The following TRIM66 variants were observed in gnomAD, a reference collection of about 807,000 sequenced individuals.
The protein encoded by TRIM66 is tripartite motif containing 66, also known as tripartite motif-containing protein 66.
In TRIM66, 99 loss-of-function variants were observed where a neutral mutation model predicts 148.2. The ratio of observed to expected loss-of-function variants is 0.67; its 90% CI spans 0.57 to 0.79. The LOEUF is 0.79. Among genes scored for constraint, TRIM66 ranks in the 30% least tolerant of loss-of-function variants. TRIM66 has a pLI of 0.00. For synonymous variants in TRIM66, 616 were observed against 635.9 expected, an observed-to-expected ratio of 0.97 and a Z score of 0.47; for missense variants, 1,666 against 1,697.9, an observed-to-expected ratio of 0.98 and a Z score of 0.33.
At chr11:8,670,007 G>GTTTTTTTTTTTTTTT (rs752586311) in intron 6 of TRIM66, among the ~76,000 whole-genome samples, 6 of 138,468 alleles carry the variant, frequency 4.3e-5, no homozygotes, top group Admixed American at 1.5e-4. Context: ...GTCTTGTTTT[G>GTTTTTTTTTTTTTTT]TTTTTATTTA....
rs564789303 is a variant in TRIM66, at chr11:8,640,727, G to T, written c.1648C>A (p.Gln550Lys). The stretch of plus-strand genomic sequence containing the variant: ...ATGCACACGGGCTGGGAAGTCAGCT[G>T]CTGCCCCAGCCGCTGGGATGTGCTC... Reference protein sequence around the residue: ...QESTSQRLGQQLTSQPVCIVP... With the variant: ...QESTSQRLGQKLTSQPVCIVP... The change falls in exon 14 of 25, where the codon CAG becomes AAG. Residue 550 changes from glutamine (Q) to lysine (K), a missense_variant. Around this residue, in one of 3 missense-constraint regions of TRIM66, gnomAD observed 1,431 missense variants for 1,412.4 expected, o/e 1.01. Coordinates refer to ENST00000646038, the MANE Select transcript of TRIM66 (RefSeq NM_001388022.1). The T allele has an allele frequency of 1.5e-5, 23 of 1,551,494 alleles. No individual in the cohort carries two copies. In the African/African-American group the frequency reaches 2.1e-4, roughly 14 times the overall value.
intron 10 of TRIM66, among the ~76,000 whole-genome samples, chr11:8,647,477 A>G (rs1187700875): frequency 6.6e-6 from 1 of 152,162 alleles, no homozygotes; most frequent in African/African-American, 2.4e-5. Flanking sequence ...TAATGCATAT[A>G]TGATACCCAA....
chr11:8,633,257 G>A (rs2035580674), intron 15 of TRIM66, among the ~76,000 whole-genome samples: 1 of 152,178 alleles, frequency 6.6e-6, no homozygotes, highest in African/African-American at 2.4e-5. Context: ...GGGAGGCAGA[G>A]GTTGCGGTGA....
At position 8,617,629 on chromosome 11, in the gene TRIM66, A is replaced by G. The variant is rs905994334; in HGVS notation, c.*315T>C. Reference sequence around the variant, plus strand: ...GACGGGTCTGCTTTCCCAGGCAGAAAAAAATTCACCAAGGAAAGTAGGTTT... The same window carrying G: ...GACGGGTCTGCTTTCCCAGGCAGAAGAAAATTCACCAAGGAAAGTAGGTTT... On this transcript the variant is annotated 3_prime_UTR_variant, in exon 25 of 25. Coordinates refer to ENST00000646038, the MANE Select transcript of TRIM66 (RefSeq NM_001388022.1). 2.3e-5 allele frequency: 8 copies of G among 354,198 alleles called. No homozygotes were observed. Among genetic ancestry groups the G allele is most frequent in the Admixed American group, 1.7e-4 (4 of 23,530 alleles). 21.9% of individuals were successfully genotyped at this position (354,198 alleles called of 1,614,324 possible).
At chr11:8,636,025 T>C (rs541162882) in intron 15 of TRIM66, among the ~76,000 whole-genome samples, 2 of 152,308 alleles carry the variant, frequency 1.3e-5, no homozygotes, top group South Asian at 4.1e-4. Flanking sequence ...CTGATCTAAC[T>C]TACCCACTCC....
intron 6 of TRIM66, among the ~76,000 whole-genome samples, chr11:8,657,929 A>G (rs994424792): frequency 3.3e-5 from 5 of 152,252 alleles, no homozygotes; most frequent in African/African-American, 9.6e-5. Flanking sequence ...GATTAGGGCA[A>G]CACTGGGAGA....
chr11:8,636,519 T>G (rs780698939), intron 15 of TRIM66, among the ~76,000 whole-genome samples: 1 of 152,084 alleles, frequency 6.6e-6, no homozygotes. Context: ...CTTTTTCCCA[T>G]GCTCCCATTC....
At chr11:8,644,199 A>G (rs1190809867) in intron 12 of TRIM66, 3 of 310,096 alleles carry the variant, frequency 9.7e-6, no homozygotes, top group Admixed American at 4.8e-5. Context: ...TGATATCACT[A>G]GTGTCCTAAT....
intron 17 of TRIM66, among the ~76,000 whole-genome samples, 186 bp from the exon 18 acceptor site, chr11:8,623,062 A>G (rs2034461393): frequency 6.6e-6 from 1 of 152,214 alleles, no homozygotes; most frequent in Non-Finnish European, 1.5e-5. Context: ...TCTTGAGAGG[A>G]GGAAGCCCAC....
At chr11:8,619,162 TC>T in intron 23 of TRIM66, 194 bp from the exon 24 acceptor site, 1 of 705,826 alleles carries the variant, frequency 1.4e-6, no homozygotes, top group Non-Finnish European at 2.3e-6. Context: ...CCAACAGGTA[TC>T]CACAGATGGC....
At chr11:8,650,955 A>G (rs2037305965) in intron 7 of TRIM66, among the ~76,000 whole-genome samples, 1 of 152,232 alleles carries the variant, frequency 6.6e-6, no homozygotes, top group South Asian at 2.1e-4. Context: ...TTGTGCTCCC[A>G]CACCTGGGCT....
chr11:8,659,005 G>A (rs2133362905), intron 6 of TRIM66, among the ~76,000 whole-genome samples: 1 of 152,054 alleles, frequency 6.6e-6, no homozygotes, highest in African/African-American at 2.4e-5. Flanking sequence ...TCCCTTGGCA[G>A]TTAACTCTAC....
chr11:8,631,299 G>A (rs1465886983), intron 15 of TRIM66, among the ~76,000 whole-genome samples: 1 of 152,134 alleles, frequency 6.6e-6, no homozygotes, highest in Non-Finnish European at 1.5e-5. Flanking sequence ...ATAAATTTCA[G>A]GTTCTTACAG....
intron 15 of TRIM66, among the ~76,000 whole-genome samples, chr11:8,636,053 G>T (rs7107276): frequency 0.99 from 151,321 of 152,268 alleles, 75,198 homozygotes; most frequent in Middle Eastern, 1. Context: ...TGCCTTTCCC[G>T]TAATCATTCC....
intron 15 of TRIM66, among the ~76,000 whole-genome samples, chr11:8,626,239 C>G (rs894246198): frequency 6.6e-6 from 1 of 152,026 alleles, no homozygotes; most frequent in Non-Finnish European, 1.5e-5. Flanking sequence ...AAAAAAAAGA[C>G]TAAATATATA....
chr11:8,618,149 T>A, intron 24 of TRIM66, 146 bp from the exon 25 acceptor site: 1 of 827,570 alleles, frequency 1.2e-6, no homozygotes, highest in Non-Finnish European at 1.9e-6. Context: ...CTGAAGCCAC[T>A]AAACATTGTA....
intron 6 of TRIM66, among the ~76,000 whole-genome samples, chr11:8,662,102 G>A (rs2038300105): frequency 6.6e-6 from 1 of 152,120 alleles, no homozygotes; most frequent in South Asian, 2.1e-4. Flanking sequence ...CAGGGCTCCA[G>A]GCTCCAGCTT....
At position 8,640,673 on chromosome 11, in the gene TRIM66, C is replaced by T; in HGVS notation, c.1702G>A (p.Ala568Thr). The T allele has an allele frequency of 6.4e-7, 1 of 1,551,684 alleles. No individual in the cohort carries two copies. Among genetic ancestry groups the T allele is most frequent in the East Asian group, 2.4e-5 (1 of 40,920 alleles). The change falls in exon 14 of 25, where the codon GCC (alanine) becomes ACC (threonine). Residue 568 changes from alanine to threonine, a missense_variant. This residue lies in a region of TRIM66 where 1,431 missense variants were observed against 1,412.4 expected (regional missense o/e 1.01). Coordinates refer to ENST00000646038, the MANE Select transcript of TRIM66 (RefSeq NM_001388022.1). ...IVPPQDVQQG[A>T]HAQPTLQTPS... The stretch of plus-strand genomic sequence containing the variant: ...GTCTGTAAGGTGGGCTGGGCATGGG[C>T]TCCTTGCTGAACATCCTGTGGGGGG...
chr11:8,612,620 A>C lies in TRIM66; in HGVS notation c.*5324T>G, dbSNP rs878884429. On this transcript the variant is annotated 3_prime_UTR_variant, in exon 25 of 25. Transcript: ENST00000646038. The stretch of plus-strand genomic sequence containing the variant: ...TCCAACTCCAGAAACAACTGGAGCA[A>C]GCAGGTGGTGGTGATCAGCACAGGT... The C allele has an allele frequency of 1.3e-5, 2 of 152,362 alleles. No individual in the cohort carries two copies. The highest frequency in any genetic ancestry group is 3.9e-4 in the East Asian group (2 of 5,182). The allele number at this position is 152,362 out of a possible 1,614,324, so 9.4% of individuals were successfully genotyped here.
Sources: gnomAD v4.1 joint callset for allele counts (sites outside exome capture counted in the v4.1 genomes callset) on GRCh38, gnomAD v4.1.1 for gene constraint, gnomAD v4.1.1 regional missense constraint, MANE v1.5 for transcripts, NCBI Gene and HGNC (gene_info 2026-07-23, HGNC 2026-07-21) for gene names.